The following KCNH7 variants were observed in gnomAD, a reference collection of about 807,000 sequenced individuals.
The protein encoded by KCNH7 is voltage-gated inwardly rectifying potassium channel KCNH7.
KCNH7 carries 49 observed loss-of-function variants against 120.8 expected under a neutral mutation model. The ratio of observed to expected loss-of-function variants is 0.41; its 90% confidence interval spans 0.32 to 0.51. The LOEUF (loss-of-function observed/expected upper bound fraction) is 0.51. Ranked by LOEUF, KCNH7 falls within the 20% of genes least tolerant of loss-of-function variation. The pLI, the probability that KCNH7 is intolerant of heterozygous loss-of-function variation, is 0.38. For missense variants in KCNH7, 1,097 were observed against 1,446.6 expected (o/e 0.76, Z 3.92); for synonymous variants, 547 against 516.1 (o/e 1.06, Z -0.81).
At chr2:162,395,000 CTTAA>C (rs758091084) in intron 11 of KCNH7, among the ~76,000 whole-genome samples, 3 of 151,776 alleles carry the variant, frequency 2.0e-5, no homozygotes, top group Non-Finnish European at 4.4e-5. Context: ...TCTACTCCCA[CTTAA>C]TTAATGGTAA....
chr2:162,617,498 A>G (rs190202048), intron 2 of KCNH7, among the ~76,000 whole-genome samples: 11 of 152,252 alleles, frequency 7.2e-5, no homozygotes, highest in Non-Finnish European at 1.5e-4. Context: ...AACAAAAAAA[A>G]AATAGAATTT....
intron 2 of KCNH7, among the ~76,000 whole-genome samples, chr2:162,791,919 G>A (rs1159388318): frequency 6.6e-6 from 1 of 152,036 alleles, no homozygotes; most frequent in Non-Finnish European, 1.5e-5. Context: ...ATGTGGGTTT[G>A]CCATAGATGG....
intron 2 of KCNH7, among the ~76,000 whole-genome samples, chr2:162,752,910 A>AAAGAAAAGAAAAGAG (rs1688617595): frequency 4.6e-5 from 2 of 43,302 alleles, no homozygotes; most frequent in African/African-American, 2.5e-4. Flanking sequence ...CAGAAAAAGA[A>AAAGAAAAGAAAAGAG]AAGAAAAGAA....
intron 2 of KCNH7, among the ~76,000 whole-genome samples, chr2:162,544,476 G>A (rs1692412336): frequency 6.6e-6 from 1 of 152,028 alleles, no homozygotes; most frequent in Admixed American, 6.6e-5. Flanking sequence ...TCCCCATTAG[G>A]CAGTAGTAAA....
At chr2:162,728,398 T>C (rs1314800802) in intron 2 of KCNH7, among the ~76,000 whole-genome samples, 1 of 152,190 alleles carries the variant, frequency 6.6e-6, no homozygotes, top group Non-Finnish European at 1.5e-5. Flanking sequence ...CAAGTTTTAT[T>C]AGAAATATGT....
At chr2:162,711,438 G>T (rs1686926298) in intron 2 of KCNH7, among the ~76,000 whole-genome samples, 1 of 152,214 alleles carries the variant, frequency 6.6e-6, no homozygotes, top group African/African-American at 2.4e-5. Context: ...TTGGGAAACA[G>T]GTTATACATT....
rs188254874 is a variant in KCNH7 at position 162,415,153 on chromosome 2, A to C, written c.2154+8183T>G. ...CTCCTGATTTGTCCTTTTTTTAAAAAAAAAAACAAAAAACAAAAAAACAGC... is the reference window on the plus strand; with the variant it reads ...CTCCTGATTTGTCCTTTTTTTAAAACAAAAAACAAAAAACAAAAAAACAGC... On this transcript the variant is annotated intron_variant, in intron 9 of 15. Transcript: ENST00000332142. Among the ~76,000 whole-genome samples the C allele has an allele frequency of 9.2e-3, 1,397 of 151,984 alleles. 12 individuals carry two copies. Among genetic ancestry groups the C allele is most frequent in the Middle Eastern group, 0.017 (5 of 294 alleles).
intron 6 of KCNH7, among the ~76,000 whole-genome samples, chr2:162,449,013 G>A (rs1252377835): frequency 6.6e-6 from 1 of 151,984 alleles, no homozygotes; most frequent in African/African-American, 2.4e-5. Context: ...ACAGCTAAGG[G>A]ATGAGGAAGT....
intron 2 of KCNH7, among the ~76,000 whole-genome samples, chr2:162,702,986 A>G (rs1686569221): frequency 6.6e-6 from 1 of 152,128 alleles, no homozygotes. Flanking sequence ...AACACAATAA[A>G]TGCTTGTGTA....
intron 2 of KCNH7, among the ~76,000 whole-genome samples, chr2:162,573,714 T>C (rs1410463213): frequency 6.6e-6 from 1 of 152,016 alleles, no homozygotes; most frequent in African/African-American, 2.4e-5. Context: ...AACAAAATTA[T>C]TCTAGGTACT....
At position 162,471,117 on chromosome 2, in the gene KCNH7, G is replaced by T. The variant is rs547161843; in HGVS notation, c.1129-24674C>A. 1.2e-4 allele frequency among the ~76,000 whole-genome samples: 19 copies of T among 152,134 alleles called. No individual in the cohort carries two copies. The East Asian group carries it at 1.5e-3, about 12-fold the overall frequency. On this transcript the variant is annotated intron_variant, in intron 6 of 15. Transcript: ENST00000332142. Reference sequence around the variant, plus strand: ...AGGGACACAAACACTGCGGAGGGCCGCAGGGTCCTCTGCCTAGGAAAACCA... The same window carrying T: ...AGGGACACAAACACTGCGGAGGGCCTCAGGGTCCTCTGCCTAGGAAAACCA...
intron 2 of KCNH7, among the ~76,000 whole-genome samples, chr2:162,703,771 A>G (rs1482417003): frequency 2.0e-5 from 3 of 152,166 alleles, no homozygotes; most frequent in African/African-American, 4.8e-5. Flanking sequence ...CCCCTATACC[A>G]TAGTCATCAC....
chr2:162,639,360 A>T (rs573829687), intron 2 of KCNH7, among the ~76,000 whole-genome samples: 1 of 152,210 alleles, frequency 6.6e-6, no homozygotes, highest in East Asian at 1.9e-4. Flanking sequence ...CATTTATTGG[A>T]TGAATGAATG....
At chr2:162,806,247 G>T (rs979710336) in intron 2 of KCNH7, among the ~76,000 whole-genome samples, 14 of 152,110 alleles carry the variant, frequency 9.2e-5, no homozygotes, top group African/African-American at 3.4e-4. Context: ...TTTAAAAATT[G>T]AAAAATAAAA....
chr2:162,805,866 T>C (rs1240628579), intron 2 of KCNH7, among the ~76,000 whole-genome samples: 1 of 151,920 alleles, frequency 6.6e-6, no homozygotes, highest in Non-Finnish European at 1.5e-5. Flanking sequence ...AAAAAGAAAA[T>C]GTGGTATATA....
At chr2:162,731,209 T>C (rs1007398806) in intron 2 of KCNH7, among the ~76,000 whole-genome samples, 1 of 137,352 alleles carries the variant, frequency 7.3e-6, no homozygotes, top group Non-Finnish European at 1.5e-5. Flanking sequence ...ATTCATGTCC[T>C]GCATACATAC....
chr2:162,383,153 C>T (rs1686473621), intron 13 of KCNH7, among the ~76,000 whole-genome samples: 1 of 151,806 alleles, frequency 6.6e-6, no homozygotes, highest in Admixed American at 6.6e-5. Flanking sequence ...TAATAATTCG[C>T]CACTTGAGAC....
chr2:162,818,922 C>T (rs1199415843), intron 2 of KCNH7, among the ~76,000 whole-genome samples: 1 of 152,120 alleles, frequency 6.6e-6, no homozygotes, highest in Non-Finnish European at 1.5e-5. Flanking sequence ...CAAAGTAGGA[C>T]ACATGACTTA....
At chr2:162,821,573 T>A (rs1263352657) in intron 2 of KCNH7, among the ~76,000 whole-genome samples, 2 of 152,194 alleles carry the variant, frequency 1.3e-5, no homozygotes, top group Non-Finnish European at 2.9e-5. Context: ...AAATGTCAGA[T>A]ATAGTTTGTA....
Sources: allele counts gnomAD v4.1 joint callset (sites outside exome capture counted in the v4.1 genomes callset), GRCh38; gene constraint gnomAD v4.1.1; transcripts MANE v1.5; gene names NCBI Gene and HGNC (gene_info 2026-07-23, HGNC 2026-07-21).